Variants in COL19A1 observed in about 807,000 individuals in gnomAD.
COL19A1 encodes the protein collagen alpha-1(XIX) chain.
COL19A1 carries 159 observed loss-of-function variants against 190.2 expected under a neutral mutation model. That is an observed-to-expected ratio of 0.84 (90% CI 0.73 to 0.95). The LOEUF is 0.95. Ranked by LOEUF, COL19A1 falls within the 40% of genes least tolerant of loss-of-function variation. The pLI is 0.00. For synonymous variants in COL19A1, 509 were observed against 458.9 expected, an observed-to-expected ratio of 1.11 and a Z score of -1.39; for missense variants, 1,418 against 1,431.9, an observed-to-expected ratio of 0.99 and a Z score of 0.16.
intron 9 of COL19A1, among the ~76,000 whole-genome samples, chr6:69,957,746 C>T (rs2150041886): frequency 6.6e-6 from 1 of 152,220 alleles, no homozygotes; most frequent in Non-Finnish European, 1.5e-5. Context: ...TAATGTGTAC[C>T]TTCCAGTAAT....
chr6:70,032,375 A>G (rs1468022950), intron 12 of COL19A1, among the ~76,000 whole-genome samples: 1 of 152,120 alleles, frequency 6.6e-6, no homozygotes, highest in Non-Finnish European at 1.5e-5. Flanking sequence ...CCATGACTAA[A>G]AGTTTGGTGA....
chr6:70,106,866 G>T (rs1029751367), intron 16 of COL19A1, among the ~76,000 whole-genome samples: 1 of 152,198 alleles, frequency 6.6e-6, no homozygotes, highest in African/African-American at 2.4e-5. Flanking sequence ...ACTGAGAACA[G>T]TTTTTCAGTA....
intron 14 of COL19A1, among the ~76,000 whole-genome samples, chr6:70,050,377 T>C (rs1288546059): frequency 6.6e-6 from 1 of 152,054 alleles, no homozygotes; most frequent in Non-Finnish European, 1.5e-5. Context: ...AATTCCTTCA[T>C]CTTAAGAAAA....
intron 22 of COL19A1, among the ~76,000 whole-genome samples, chr6:70,142,391 T>C (rs1452682391): frequency 6.6e-6 from 1 of 152,134 alleles, no homozygotes; most frequent in Admixed American, 6.6e-5. Context: ...AGAATTCAAG[T>C]TTCAGTTTCT....
At chr6:70,063,758 G>T (rs1275775747) in intron 14 of COL19A1, among the ~76,000 whole-genome samples, 1 of 151,804 alleles carries the variant, frequency 6.6e-6, no homozygotes, top group Non-Finnish European at 1.5e-5. Context: ...GAAGAGAGAA[G>T]AATCAAATAG....
At chr6:70,142,541 G>C (rs1786327505) in intron 22 of COL19A1, among the ~76,000 whole-genome samples, 2 of 152,106 alleles carry the variant, frequency 1.3e-5, no homozygotes, top group Non-Finnish European at 2.9e-5. Context: ...CAAGTTACCA[G>C]GTATCACCTG....
At chr6:69,990,378 A>G (rs868181519) in intron 11 of COL19A1, among the ~76,000 whole-genome samples, 3 of 152,104 alleles carry the variant, frequency 2.0e-5, no homozygotes, top group South Asian at 4.1e-4. Flanking sequence ...TTTTAATATC[A>G]TTAAGTAGTC....
chr6:70,039,431 T>C (rs1162048828), intron 14 of COL19A1, among the ~76,000 whole-genome samples: 5 of 152,162 alleles, frequency 3.3e-5, no homozygotes, highest in Admixed American at 1.3e-4. Context: ...GATTACTTCA[T>C]TATAGAGGAT....
rs1214842401 is a variant in COL19A1 at position 70,207,264 on chromosome 6, G to T, written c.3419G>T (p.Gly1140Val). 6.2e-7 allele frequency: 1 copy of T among 1,613,488 alleles called. No homozygotes were observed. Among genetic ancestry groups the T allele is most frequent in the Non-Finnish European group, 8.5e-7 (1 of 1,179,766 alleles). The stretch of plus-strand genomic sequence containing the variant: ...GTGTCTCATGCCCATCAGCGCACAG[G>T]TGGGAATTGAACACACCTGAAGAAG... Reference protein sequence around the residue: ...YPVSHAHQRTGGN With the variant: ...YPVSHAHQRTVGN The change falls in exon 51 of 51, where the codon GGT (glycine) becomes GTT (valine). Residue 1140 changes from glycine to valine, a missense_variant. Physicochemically the swap from Gly to Val is moderately radical, Grantham distance 109. Coordinates refer to ENST00000620364, the MANE Select transcript of COL19A1 (RefSeq NM_001858.6).
chr6:70,122,098 C>G (rs1582964329), intron 17 of COL19A1, among the ~76,000 whole-genome samples, 156 bp downstream of exon 17: 2 of 151,932 alleles, frequency 1.3e-5, no homozygotes, highest in East Asian at 3.9e-4. Context: ...TTTTCAAAAA[C>G]AAAAATAAAA....
intron 14 of COL19A1, among the ~76,000 whole-genome samples, chr6:70,048,208 G>A (rs114075589): frequency 1.6e-3 from 250 of 152,110 alleles, no homozygotes; most frequent in Middle Eastern, 3.4e-3. Flanking sequence ...CATAAGCAAC[G>A]GAGAGAAAAT....
rs1768147309 is a variant in COL19A1, at chr6:70,210,810, T to C, written c.*3536T>C. Among the ~76,000 whole-genome samples the C allele has an allele frequency of 6.6e-6, 1 of 152,182 alleles. No homozygotes were observed. Among genetic ancestry groups the C allele is most frequent in the Admixed American group, 6.5e-5 (1 of 15,280 alleles). On this transcript the variant is annotated 3_prime_UTR_variant, in exon 51 of 51. Transcript: ENST00000620364. ...TTTAACTTTTGTAGATAATTTTTGT[T>C]AATTTGTTTTGTTAATTTATGTTTT...
At chr6:70,069,244 C>A (rs1189576310) in intron 15 of COL19A1, among the ~76,000 whole-genome samples, 1 of 152,074 alleles carries the variant, frequency 6.6e-6, no homozygotes, top group Non-Finnish European at 1.5e-5. Flanking sequence ...AGATGATGTG[C>A]CTAAACTTGA....
intron 11 of COL19A1, among the ~76,000 whole-genome samples, chr6:69,969,425 T>C (rs1023136732): frequency 2.0e-5 from 3 of 152,182 alleles, no homozygotes; most frequent in African/African-American, 7.2e-5. Flanking sequence ...TTTGTCTTAG[T>C]TGATCTTATC....
chr6:69,921,489 CAT>C (rs1322281382), intron 4 of COL19A1, among the ~76,000 whole-genome samples: 1,680 of 102,620 alleles, frequency 0.016, 231 homozygotes, highest in African/African-American at 0.069. Flanking sequence ...CATATATATT[CAT>C]ATATATTCAT....
chr6:70,166,008 T>A, intron 37 of COL19A1, 23 bp downstream of exon 37: 1 of 1,609,816 alleles, frequency 6.2e-7, no homozygotes, highest in Non-Finnish European at 8.5e-7. Context: ...AGGCTTAAAA[T>A]TTAAAATTCA....
chr6:70,091,454 G>T (rs371259403), intron 15 of COL19A1, among the ~76,000 whole-genome samples: 2 of 152,096 alleles, frequency 1.3e-5, no homozygotes, highest in South Asian at 4.1e-4. Context: ...TAGGGACTTC[G>T]TAAATACTTC....
At chr6:70,075,256 C>T (rs1781815224) in intron 15 of COL19A1, among the ~76,000 whole-genome samples, 2 of 152,206 alleles carry the variant, frequency 1.3e-5, no homozygotes, top group African/African-American at 4.8e-5. Flanking sequence ...CTTTCTCCAA[C>T]ACATTGTTTG....
At chr6:70,023,494 T>C (rs1000006792) in intron 11 of COL19A1, 133 bp from the exon 12 acceptor site, 3 of 685,260 alleles carry the variant, frequency 4.4e-6, no homozygotes, top group Non-Finnish European at 7.1e-6. Flanking sequence ...GATTGTTTTT[T>C]AATAAACGTG....
Sources: allele counts gnomAD v4.1 joint callset (sites outside exome capture counted in the v4.1 genomes callset), GRCh38; gene constraint gnomAD v4.1.1; transcripts MANE v1.5; gene names NCBI Gene and HGNC (gene_info 2026-07-23, HGNC 2026-07-21).